EPHB1: variants seen among roughly 807,000 people sequenced by gnomAD.
The protein encoded by EPHB1 is EPH receptor B1.
A neutral mutation model predicts 94.4 loss-of-function variants in EPHB1; 30 were observed. The observed-to-expected ratio is 0.32, with a 90% CI of 0.24 to 0.43. The LOEUF (loss-of-function observed/expected upper bound fraction) is 0.43, where lower values mean the gene tolerates loss of function less well. Among genes scored for constraint, EPHB1 ranks in the 20% least tolerant of loss-of-function variants. The probability of loss-of-function intolerance (pLI) is 1.00; values close to 1 mark genes in which losing one functional copy is unlikely to be tolerated. For missense variants in EPHB1, 1,055 were observed against 1,308.3 expected (o/e 0.81, Z 2.99); for synonymous variants, 522 against 489.1 (o/e 1.07, Z -0.89).
rs113094511 is a variant in EPHB1 at position 135,015,766 on chromosome 3, G to T, written c.805+63714G>T. On this transcript the variant is annotated intron_variant, in intron 3 of 15. Transcript: ENST00000398015. ...TAAATAAAGATGGAGTGTGTCTGTGGCTGGGACTGCTTTAGCTGGATAGTC... is the reference window on the plus strand; with the variant it reads ...TAAATAAAGATGGAGTGTGTCTGTGTCTGGGACTGCTTTAGCTGGATAGTC... Among the ~76,000 whole-genome samples the T allele has an allele frequency of 6.5e-3, 995 of 152,306 alleles. 11 individuals are homozygous for T. Among genetic ancestry groups the T allele is most frequent in the African/African-American group, 0.022 (928 of 41,558 alleles).
intron 1 of EPHB1, among the ~76,000 whole-genome samples, chr3:134,882,238 A>G (rs751831457): frequency 1.4e-4 from 22 of 152,224 alleles, no homozygotes; most frequent in Non-Finnish European, 2.8e-4. Flanking sequence ...ACAAAAGAGG[A>G]ATGAACTGAG....
Position 135,041,263 on chromosome 3 carries a change from C to T in EPHB1, c.806-65185C>T, listed in dbSNP as rs201431023. ...CTCCCAGTGCTTTCAACCCCCCAGC[C>T]TTCCCCCAAACCATAATGTGGTACT... On this transcript the variant is annotated intron_variant, in intron 3 of 15. Transcript: ENST00000398015. Among the ~76,000 whole-genome samples the T allele has an allele frequency of 3.3e-5, 5 of 152,288 alleles. No individual in the cohort carries two copies. In the East Asian group the frequency reaches 9.7e-4, roughly 29 times the overall value.
chr3:135,231,790 T>C (rs968265347), intron 12 of EPHB1, among the ~76,000 whole-genome samples: 1 of 152,232 alleles, frequency 6.6e-6, no homozygotes, highest in African/African-American at 2.4e-5. Context: ...CTCTGTTATG[T>C]GTGCCATTTG....
intron 4 of EPHB1, among the ~76,000 whole-genome samples, chr3:135,109,246 T>A (rs1259871928): frequency 6.6e-6 from 1 of 152,202 alleles, no homozygotes; most frequent in Non-Finnish European, 1.5e-5. Context: ...TTTCATTTAG[T>A]GGGTGGAAGA....
intron 1 of EPHB1, among the ~76,000 whole-genome samples, chr3:134,911,287 C>T (rs1235190112): frequency 2.6e-5 from 4 of 152,186 alleles, no homozygotes; most frequent in African/African-American, 4.8e-5. Flanking sequence ...GGAAATGGAG[C>T]AGGAAACCAC....
At chr3:135,130,104 A>G (rs1212557091) in intron 4 of EPHB1, among the ~76,000 whole-genome samples, 1 of 152,206 alleles carries the variant, frequency 6.6e-6, no homozygotes, top group Non-Finnish European at 1.5e-5. Flanking sequence ...AGAAGAGACT[A>G]TATCGGAGAA....
chr3:134,974,767 C>T (rs896607728), intron 3 of EPHB1, among the ~76,000 whole-genome samples: 1 of 152,190 alleles, frequency 6.6e-6, no homozygotes, highest in African/African-American at 2.4e-5. Context: ...TTTCCCAAGT[C>T]CTTGAGTCAG....
chr3:134,890,177 A>G (rs761332540), intron 1 of EPHB1, among the ~76,000 whole-genome samples: 3 of 152,116 alleles, frequency 2.0e-5, no homozygotes, highest in Non-Finnish European at 4.4e-5. Context: ...TTGTATTTCC[A>G]TGCATTTTAT....
intron 3 of EPHB1, among the ~76,000 whole-genome samples, chr3:134,987,053 A>T (rs920779360): frequency 3.9e-5 from 6 of 152,150 alleles, no homozygotes; most frequent in African/African-American, 1.2e-4. Flanking sequence ...ACCCATCAAG[A>T]TACTTACACA....
At chr3:134,850,066 G>T (rs1256952650) in intron 1 of EPHB1, among the ~76,000 whole-genome samples, 1 of 152,162 alleles carries the variant, frequency 6.6e-6, no homozygotes, top group African/African-American at 2.4e-5. Flanking sequence ...GCTTCTGAGG[G>T]GCTGTGTACT....
At chr3:135,209,343 G>A (rs1252212857) in intron 12 of EPHB1, among the ~76,000 whole-genome samples, 3 of 152,302 alleles carry the variant, frequency 2.0e-5, no homozygotes, top group Admixed American at 1.3e-4. Flanking sequence ...TACAAAGAGG[G>A]AGAAAGTAAC....
intron 1 of EPHB1, among the ~76,000 whole-genome samples, chr3:134,902,824 A>G (rs2038230045): frequency 6.6e-6 from 1 of 152,184 alleles, no homozygotes; most frequent in Non-Finnish European, 1.5e-5. Flanking sequence ...GGCTTTATTT[A>G]TGCTTTAAGG....
At chr3:135,235,848 C>T (rs779802555) in intron 12 of EPHB1, among the ~76,000 whole-genome samples, 8 of 152,014 alleles carry the variant, frequency 5.3e-5, no homozygotes, top group South Asian at 2.1e-4. Context: ...GAACTGTGGC[C>T]GAGGTCTGAT....
intron 3 of EPHB1, among the ~76,000 whole-genome samples, chr3:134,995,129 C>T (rs930117106): frequency 1.3e-5 from 2 of 152,140 alleles, no homozygotes; most frequent in Admixed American, 1.3e-4. Context: ...TAGCCATGGC[C>T]AGCACCTTTC....
chr3:135,048,259 C>CTTTTTT (rs34135757), intron 3 of EPHB1, among the ~76,000 whole-genome samples: 120 of 55,194 alleles, frequency 2.2e-3, no homozygotes, highest in South Asian at 3.7e-3. Context: ...TTTCTTTTTT[C>CTTTTTT]TTTTTTTTTT....
chr3:134,892,771 T>G (rs2038011553), intron 1 of EPHB1, among the ~76,000 whole-genome samples: 1 of 152,178 alleles, frequency 6.6e-6, no homozygotes, highest in Non-Finnish European at 1.5e-5. Flanking sequence ...TATTCTCACT[T>G]TTCCCAATTG....
intron 3 of EPHB1, among the ~76,000 whole-genome samples, chr3:134,995,056 A>G (rs1490179695): frequency 6.6e-6 from 1 of 151,082 alleles, no homozygotes; most frequent in Non-Finnish European, 1.5e-5. Flanking sequence ...GAGTTGTATG[A>G]CTACCGCCAT....
chr3:135,238,310 G>T (rs1416990044), intron 12 of EPHB1, among the ~76,000 whole-genome samples: 2 of 152,228 alleles, frequency 1.3e-5, no homozygotes, highest in Non-Finnish European at 2.9e-5. Flanking sequence ...TGCCTGTCCA[G>T]GGGCTCTTCT....
At chr3:134,926,016 A>T in intron 2 of EPHB1, 136 bp downstream of exon 2, 2 of 707,000 alleles carry the variant, frequency 2.8e-6, no homozygotes, top group Non-Finnish European at 4.5e-6. Flanking sequence ...TCCACTGCCC[A>T]TCCATGCAAA....
Sources: allele counts gnomAD v4.1 joint callset (sites outside exome capture counted in the v4.1 genomes callset), GRCh38; gene constraint gnomAD v4.1.1; transcripts MANE v1.5; gene names NCBI Gene and HGNC (gene_info 2026-07-23, HGNC 2026-07-21).